The following TTLL13 variants were observed in gnomAD, a reference collection of about 807,000 sequenced individuals.
The protein encoded by TTLL13 is tubulin tyrosine ligase like 13.
the TTLL13 span, among the ~76,000 whole-genome samples, chr15:90,256,622 C>CT: frequency 2.0e-5 from 1 of 50,256 alleles, no homozygotes; most frequent in African/African-American, 8.4e-5. Context: ...TCCTTCCTTC[C>CT]TTCCTTCCTT....
the TTLL13 span, chr15:90,250,969 G>A: frequency 5.3e-6 from 8 of 1,516,648 alleles, 1 homozygote; most frequent in Middle Eastern, 9.8e-4. Flanking sequence ...GAGGAGCTGG[G>A]ATCTCAGATC....
chr15:90,262,061 G>C, the TTLL13 span: 1 of 1,535,982 alleles, frequency 6.5e-7, no homozygotes, highest in African/African-American at 1.4e-5. Context: ...ACGATATGAG[G>C]ATTCTCACCT....
chr15:90,249,580 G>C, the TTLL13 span: 2 of 152,286 alleles, frequency 1.3e-5, no homozygotes, highest in African/African-American at 4.8e-5. Flanking sequence ...CCCGGCAGCC[G>C]CAGCCACGGC....
At chr15:90,263,601 G>A in the TTLL13 span, 1 of 579,148 alleles carries the variant, frequency 1.7e-6, no homozygotes. Context: ...TGGGTCTTCT[G>A]TTTTTGTTGA....
the TTLL13 span, chr15:90,258,947 T>G: frequency 6.2e-7 from 1 of 1,614,106 alleles, no homozygotes. Context: ...GTGTCTGGCA[T>G]GTGTTTAGTT....
the TTLL13 span, chr15:90,265,320 G>A: frequency 8.3e-7 from 1 of 1,206,416 alleles, no homozygotes; most frequent in Non-Finnish European, 1.0e-6. Context: ...CAGAGAAGCC[G>A]AGTGCCCAAG....
chr15:90,263,602 T>C, the TTLL13 span: 1 of 577,074 alleles, frequency 1.7e-6, no homozygotes, highest in South Asian at 2.3e-5. Context: ...GGGTCTTCTG[T>C]TTTTGTTGAA....
the TTLL13 span, chr15:90,257,382 G>A: frequency 1.4e-6 from 2 of 1,477,272 alleles, no homozygotes; most frequent in South Asian, 2.7e-5. Context: ...CAAAGAACAA[G>A]GAATGAAGCC....
chr15:90,258,440 G>A, the TTLL13 span: 1 of 669,446 alleles, frequency 1.5e-6, no homozygotes, highest in South Asian at 1.9e-5. Flanking sequence ...TTGACCTGCT[G>A]AGTCAAATCT....
the TTLL13 span, chr15:90,259,065 A>G: frequency 1.1e-5 from 17 of 1,484,700 alleles, no homozygotes; most frequent in Non-Finnish European, 1.5e-5. Context: ...TCATATTTGC[A>G]TTAAAAAAAT....
chr15:90,263,141 G>T, the TTLL13 span: 1 of 1,524,988 alleles, frequency 6.6e-7, no homozygotes, highest in Non-Finnish European at 8.7e-7. Flanking sequence ...CTTCATGAGA[G>T]TCGGGTGAGG....
At chr15:90,255,040 G>A in the TTLL13 span, among the ~76,000 whole-genome samples, 75,541 of 152,022 alleles carry the variant, frequency 0.5, 19,903 homozygotes, top group East Asian at 0.69. Context: ...CAGTGAGTGC[G>A]GCCAGTGATG....
the TTLL13 span, among the ~76,000 whole-genome samples, chr15:90,252,876 G>A: frequency 5.7e-3 from 865 of 152,220 alleles, 7 homozygotes; most frequent in African/African-American, 0.02. Flanking sequence ...GGTGGTGGGC[G>A]CCTGTAGTCC....
the TTLL13 span, chr15:90,264,189 T>C: frequency 1.6e-6 from 1 of 634,772 alleles, no homozygotes; most frequent in South Asian, 2.0e-5. Context: ...AGGGTACCCA[T>C]TTATTTACTC....
At chr15:90,258,726 A>G in the TTLL13 span, 515 of 1,611,954 alleles carry the variant, frequency 3.2e-4, 5 homozygotes, top group South Asian at 3.1e-3. Context: ...GGGGTGTATA[A>G]TGACTCCTCC....
the TTLL13 span, chr15:90,258,255 C>T: frequency 4.3e-6 from 7 of 1,614,150 alleles, no homozygotes; most frequent in Non-Finnish European, 5.9e-6. Context: ...CAAGTTGAAG[C>T]CCTGGCTGCT....
At chr15:90,265,471 A>G in the TTLL13 span, 1 of 1,371,188 alleles carries the variant, frequency 7.3e-7, no homozygotes, top group African/African-American at 1.5e-5. Context: ...AAGTTTATGC[A>G]GTTTTCCAGG....
At chr15:90,250,588 A>G in the TTLL13 span, 3 of 1,593,242 alleles carry the variant, frequency 1.9e-6, no homozygotes, top group Non-Finnish European at 2.6e-6. Context: ...GAGGTCTGAT[A>G]TACACTTCAT....
the TTLL13 span, chr15:90,249,619 G>A: frequency 2.0e-5 from 3 of 152,406 alleles, no homozygotes; most frequent in South Asian, 6.2e-4. Flanking sequence ...AACCCCTGCG[G>A]GGGAGCAGCT....
Sources: gnomAD v4.1 joint callset for allele counts (sites outside exome capture counted in the v4.1 genomes callset) on GRCh38, gnomAD v4.1.1 for gene constraint, MANE v1.5 for transcripts, NCBI Gene and HGNC (gene_info 2026-07-23, HGNC 2026-07-21) for gene names.